The following GNA14 variants were observed in gnomAD, a reference collection of about 807,000 sequenced individuals.
GNA14 encodes G protein subunit alpha 14, also known as guanine nucleotide-binding protein subunit alpha-14.
GNA14 carries 50 observed loss-of-function variants against 42.0 expected under a neutral mutation model. That is an observed-to-expected ratio of 1.19 (90% CI 0.95 to 1.51). The LOEUF (loss-of-function observed/expected upper bound fraction) is 1.51. GNA14 is among the 40% of genes most tolerant of loss of function. The pLI is 0.00. For synonymous variants in GNA14, 173 were observed against 163.1 expected, an observed-to-expected ratio of 1.06 and a Z score of -0.46; for missense variants, 473 against 446.2, an observed-to-expected ratio of 1.06 and a Z score of -0.54.
rs1474649435 is a variant in GNA14 at position 77,549,885 on chromosome 9, C to G, written c.125-20632G>C. 2.0e-5 allele frequency among the ~76,000 whole-genome samples: 3 copies of G among 152,270 alleles called. No individual in the cohort carries two copies. In the East Asian group the frequency reaches 5.8e-4, roughly 29 times the overall value. On this transcript the variant is annotated intron_variant, in intron 1 of 6. Transcript: ENST00000341700. Reference sequence around the variant, plus strand: ...ATCCTCGTTGCAAGCGCTTGGGACTCTATAATTTTCTCCACCCAAATGATC... The same window carrying G: ...ATCCTCGTTGCAAGCGCTTGGGACTGTATAATTTTCTCCACCCAAATGATC...
intron 2 of GNA14, among the ~76,000 whole-genome samples, chr9:77,476,427 T>C (rs1032394431): frequency 6.6e-6 from 1 of 152,166 alleles, no homozygotes; most frequent in African/African-American, 2.4e-5. Flanking sequence ...ATTGTTGTCT[T>C]CTGAATGAAC....
chr9:77,460,280 C>T (rs1337425826), intron 2 of GNA14, among the ~76,000 whole-genome samples: 2 of 152,106 alleles, frequency 1.3e-5, no homozygotes, highest in African/African-American at 2.4e-5. Flanking sequence ...GGGCAGAGGC[C>T]GACGTGAGGA....
At chr9:77,631,330 C>A (rs1824096883) in intron 1 of GNA14, among the ~76,000 whole-genome samples, 1 of 152,126 alleles carries the variant, frequency 6.6e-6, no homozygotes, top group Non-Finnish European at 1.5e-5. Context: ...CACATGGCCA[C>A]AATTAGCAGC....
chr9:77,540,418 T>C (rs1837645154), intron 1 of GNA14, among the ~76,000 whole-genome samples: 2 of 152,190 alleles, frequency 1.3e-5, no homozygotes, highest in South Asian at 2.1e-4. Context: ...GAATGTTCCA[T>C]GTGCTGATAA....
At chr9:77,576,069 A>G (rs999115918) in intron 1 of GNA14, among the ~76,000 whole-genome samples, 1 of 152,260 alleles carries the variant, frequency 6.6e-6, no homozygotes, top group Non-Finnish European at 1.5e-5. Flanking sequence ...TAATATTAAC[A>G]TATAAAATCT....
chr9:77,585,403 C>T (rs916334030), intron 1 of GNA14, among the ~76,000 whole-genome samples: 11 of 152,120 alleles, frequency 7.2e-5, no homozygotes, highest in African/African-American at 2.4e-4. Context: ...GTCTCCCTCT[C>T]GGTACCAGGA....
At chr9:77,638,529 G>A (rs1343634225) in intron 1 of GNA14, among the ~76,000 whole-genome samples, 1 of 152,024 alleles carries the variant, frequency 6.6e-6, no homozygotes. Context: ...GTTCCAGGCA[G>A]GAAAAAAAGC....
In GNA14 at chr9:77,426,841, C is replaced by T. The variant is rs189469694; in HGVS notation, c.724-1126G>A. 5.9e-3 allele frequency among the ~76,000 whole-genome samples: 900 copies of T among 152,240 alleles called. 8 individuals are homozygous for T. Among genetic ancestry groups the T allele is most frequent in the African/African-American group, 0.02 (814 of 41,524 alleles). ...TAAGAGGAAAGAAACAAGAACTTCC[C>T]TGTAGGGAGGGAAGGGATCACAGTG... On this transcript the variant is annotated intron_variant, in intron 5 of 6. Coordinates refer to ENST00000341700, the MANE Select transcript of GNA14 (RefSeq NM_004297.4).
At chr9:77,603,029 G>C (rs747908881) in intron 1 of GNA14, among the ~76,000 whole-genome samples, 4 of 152,144 alleles carry the variant, frequency 2.6e-5, no homozygotes, top group Non-Finnish European at 4.4e-5. Context: ...ATTAAAGTAG[G>C]GCAAACATCT....
chr9:77,603,599 C>T (rs191525996), intron 1 of GNA14, among the ~76,000 whole-genome samples: 38 of 152,070 alleles, frequency 2.5e-4, no homozygotes, highest in African/African-American at 7.0e-4. Flanking sequence ...TAAACTGAGA[C>T]GAGTTAAGAA....
At chr9:77,551,513 ACC>A (rs11436227) in intron 1 of GNA14, among the ~76,000 whole-genome samples, 1 of 144,600 alleles carries the variant, frequency 6.9e-6, no homozygotes, top group Non-Finnish European at 1.5e-5. Flanking sequence ...ACACTCACCC[ACC>A]CCCCCTTCAA....
At chr9:77,446,215 G>C (rs1195776430) in intron 2 of GNA14, among the ~76,000 whole-genome samples, 2 of 152,184 alleles carry the variant, frequency 1.3e-5, no homozygotes, top group African/African-American at 4.8e-5. Context: ...AATCAGCTGT[G>C]AGAAATCTCA....
At chr9:77,539,081 T>G (rs1010728712) in intron 1 of GNA14, among the ~76,000 whole-genome samples, 2 of 152,240 alleles carry the variant, frequency 1.3e-5, no homozygotes, top group African/African-American at 4.8e-5. Flanking sequence ...ATCCTTGTCT[T>G]GTTCCATACC....
intron 1 of GNA14, among the ~76,000 whole-genome samples, chr9:77,590,233 C>G (rs1334622643): frequency 6.6e-6 from 1 of 152,038 alleles, no homozygotes; most frequent in Non-Finnish European, 1.5e-5. Context: ...CAGTTTTAAG[C>G]TCAGCAAAAC....
At chr9:77,438,257 C>G (rs1815037568) in intron 2 of GNA14, among the ~76,000 whole-genome samples, 1 of 151,000 alleles carries the variant, frequency 6.6e-6, no homozygotes, top group Admixed American at 6.6e-5. Context: ...GGTTAGTTTT[C>G]CTACCTGTTA....
chr9:77,431,635 A>C, intron 3 of GNA14, 186 bp from the exon 4 acceptor site: 1 of 522,568 alleles, frequency 1.9e-6, no homozygotes, highest in Non-Finnish European at 3.4e-6. Flanking sequence ...TTTTGAAGAC[A>C]ATATGGGTCA....
chr9:77,504,086 T>C (rs912790592), intron 2 of GNA14, among the ~76,000 whole-genome samples: 5 of 152,146 alleles, frequency 3.3e-5, no homozygotes, highest in Admixed American at 3.3e-4. Context: ...ACTTATACTG[T>C]CCCCAAATTA....
At chr9:77,487,726 G>T (rs913821653) in intron 2 of GNA14, among the ~76,000 whole-genome samples, 8 of 151,980 alleles carry the variant, frequency 5.3e-5, no homozygotes, top group African/African-American at 1.9e-4. Context: ...AAGAATTGTG[G>T]GTAAATAGCA....
chr9:77,549,661 G>A (rs1022174343), intron 1 of GNA14, among the ~76,000 whole-genome samples: 4 of 152,158 alleles, frequency 2.6e-5, no homozygotes, highest in Admixed American at 6.5e-5. Context: ...AAAATGAAAG[G>A]CCCAGTGGGA....
Sources: gnomAD v4.1 joint callset for allele counts (sites outside exome capture counted in the v4.1 genomes callset) on GRCh38, gnomAD v4.1.1 for gene constraint, MANE v1.5 for transcripts, NCBI Gene and HGNC (gene_info 2026-07-23, HGNC 2026-07-21) for gene names.